SARNP: variants seen among roughly 807,000 people sequenced by gnomAD.
SARNP encodes SAP domain-containing ribonucleoprotein.
SARNP carries 5 observed loss-of-function variants against 38.1 expected under a neutral mutation model. The ratio of observed to expected loss-of-function variants is 0.13; its 90% confidence interval spans 0.07 to 0.28. SARNP has a LOEUF of 0.28. SARNP is among the 10% of genes least tolerant of loss of function. SARNP has a pLI of 1.00. For missense variants in SARNP, 180 were observed against 243.9 expected, an observed-to-expected ratio of 0.74 and a Z score of 1.75; for synonymous variants, 84 against 80.6, an observed-to-expected ratio of 1.04 and a Z score of -0.23.
At chr12:55,811,572 AAAAC>A (rs147810706) in intron 1 of SARNP, among the ~76,000 whole-genome samples, 21,866 of 150,476 alleles carry the variant, frequency 0.15, 3,038 homozygotes, top group African/African-American at 0.37. Context: ...ACTGTCTCAA[AAAAC>A]AAACAAACAA....
intron 9 of SARNP, among the ~76,000 whole-genome samples, chr12:55,785,217 ACAAT>A (rs1008558636): frequency 6.6e-6 from 1 of 152,222 alleles, no homozygotes; most frequent in Non-Finnish European, 1.5e-5. Flanking sequence ...ATACGTATTG[ACAAT>A]CAATGTTATT....
chr12:55,813,274 G>A (rs537669619), intron 1 of SARNP, among the ~76,000 whole-genome samples: 1 of 152,230 alleles, frequency 6.6e-6, no homozygotes, highest in South Asian at 2.1e-4. Context: ...AACACACAGG[G>A]TCTTATGAAA....
chr12:55,788,336 T>A (rs1879566058), intron 9 of SARNP, among the ~76,000 whole-genome samples: 1 of 152,226 alleles, frequency 6.6e-6, no homozygotes, highest in South Asian at 2.1e-4. Flanking sequence ...TTAACTTTTT[T>A]TTTTTGTTCC....
chr12:55,806,140 T>C (rs1880134029), intron 1 of SARNP, among the ~76,000 whole-genome samples: 3 of 152,170 alleles, frequency 2.0e-5, no homozygotes, highest in African/African-American at 4.8e-5. Context: ...CTACTTAGGT[T>C]TGAATTCCAG....
At position 55,765,711 on chromosome 12, in the gene SARNP, C is replaced by T. The variant is rs1878808500; in HGVS notation, c.502-5071G>A. On this transcript the variant is annotated intron_variant, in intron 9 of 10. Coordinates refer to ENST00000336133, the MANE Select transcript of SARNP (RefSeq NM_033082.4). ...ATACAGGCAGAGCATCTGTTCTAAA[C>T]CCATTAGGGGTTCCAGGGGAAAACA... 2.6e-5 allele frequency among the ~76,000 whole-genome samples: 4 copies of T among 152,050 alleles called. No homozygotes were observed. In the South Asian group the frequency reaches 8.3e-4, roughly 32 times the overall value.
chr12:55,756,637 T>C (rs927283791), downstream of SARNP: 2 of 152,076 alleles, frequency 1.3e-5, no homozygotes, highest in Admixed American at 1.3e-4. Flanking sequence ...CAATAACATA[T>C]CCAAAAAGAT....
At chr12:55,816,372 C>A (rs1439383897) in intron 1 of SARNP, among the ~76,000 whole-genome samples, 1 of 151,994 alleles carries the variant, frequency 6.6e-6, no homozygotes, top group Admixed American at 6.6e-5. Flanking sequence ...TTTTTTAACT[C>A]ATCACAATAA....
chr12:55,805,144 C>G (rs1367933652), intron 1 of SARNP, among the ~76,000 whole-genome samples: 1 of 152,146 alleles, frequency 6.6e-6, no homozygotes, highest in Non-Finnish European at 1.5e-5. Context: ...CGCCTGTAGT[C>G]CCAGCTACTC....
At chr12:55,814,125 C>T (rs1407191649) in intron 1 of SARNP, among the ~76,000 whole-genome samples, 3 of 152,174 alleles carry the variant, frequency 2.0e-5, no homozygotes, top group South Asian at 2.1e-4. Flanking sequence ...GCTGGAGAGA[C>T]GGGCAGGGAT....
chr12:55,790,715 T>C (rs1249972866), intron 7 of SARNP, 123 bp from the exon 8 acceptor site: 10 of 968,072 alleles, frequency 1.0e-5, no homozygotes, highest in African/African-American at 1.7e-5. Context: ...AAGGCAGAAA[T>C]TGCATGTAGC....
intron 1 of SARNP, among the ~76,000 whole-genome samples, chr12:55,808,752 C>A (rs971773448): frequency 6.6e-6 from 1 of 151,934 alleles, no homozygotes; most frequent in African/African-American, 2.4e-5. Flanking sequence ...CACAGCAATA[C>A]CTGGCCTCAA....
intron 3 of SARNP, 65 bp from the exon 4 acceptor site, chr12:55,800,694 A>G: frequency 7.2e-7 from 1 of 1,393,228 alleles, no homozygotes; most frequent in Non-Finnish European, 1.0e-6. Context: ...CAAAAGAAGA[A>G]CATCAGAACT....
rs144310518 is a variant in SARNP at position 55,760,526 on chromosome 12, T to C, written c.591+25A>G. On this transcript the variant is annotated intron_variant, in intron 10 of 10. Transcript: ENST00000336133. The stretch of plus-strand genomic sequence containing the variant: ...CACTCTAATTTCCCTTCAAGGTCTA[T>C]GAAGCGTTCCAGGTATATTTTTACC... The C allele has an allele frequency of 6.8e-4, 908 of 1,333,410 alleles. 4 individuals carry two copies. In the African/African-American group the frequency reaches 0.011, roughly 16 times the overall value. The allele number at this position is 1,333,410 out of a possible 1,614,324, so 82.6% of individuals were successfully genotyped here. A position where few individuals can be genotyped will look rare whatever the true frequency, so the allele number is the denominator to read the frequency against.
At position 55,757,567 on chromosome 12, in the gene SARNP, G is replaced by A; in HGVS notation, c.592-14C>T. ...CCTCTTCTTTGCCTGTAAAGAAGAA[G>A]CAAGAAGAAAAAAATTAGACTGAAG... On this transcript the variant is annotated splice_polypyrimidine_tract_variant and intron_variant, in intron 10 of 10. Transcript: ENST00000336133. The A allele has an allele frequency of 6.2e-7, 1 of 1,602,056 alleles. No homozygotes were observed. The highest frequency in any genetic ancestry group is 8.5e-7 in the Non-Finnish European group (1 of 1,175,316).
chr12:55,811,490 A>G (rs1880326139), intron 1 of SARNP, among the ~76,000 whole-genome samples: 1 of 151,798 alleles, frequency 6.6e-6, no homozygotes, highest in Admixed American at 6.6e-5. Flanking sequence ...GGATCACTTG[A>G]GTCCAGAAGA....
intron 9 of SARNP, among the ~76,000 whole-genome samples, chr12:55,765,898 T>C (rs1002776340): frequency 1.3e-5 from 2 of 152,084 alleles, no homozygotes; most frequent in African/African-American, 4.8e-5. Flanking sequence ...ATGATCTCTC[T>C]CACTTGACCC....
intron 9 of SARNP, among the ~76,000 whole-genome samples, chr12:55,787,731 T>A (rs1243177849): frequency 6.6e-6 from 1 of 150,768 alleles, no homozygotes; most frequent in African/African-American, 2.4e-5. Context: ...GGTGCTCGAC[T>A]GATTTTTTTC....
chr12:55,811,081 C>CAAA (rs11324252), intron 1 of SARNP, among the ~76,000 whole-genome samples: 1 of 142,694 alleles, frequency 7.0e-6, no homozygotes. Context: ...GACTCCATCC[C>CAAA]AAAAAAAAAA....
chr12:55,755,092 T>C (rs114246202), downstream of SARNP: 1 of 152,126 alleles, frequency 6.6e-6, no homozygotes, highest in African/African-American at 2.4e-5. Flanking sequence ...AGGTTAAATT[T>C]TGGGGGGATT....
Sources: allele counts gnomAD v4.1 joint callset (sites outside exome capture counted in the v4.1 genomes callset), GRCh38; gene constraint gnomAD v4.1.1; transcripts MANE v1.5; gene names NCBI Gene and HGNC (gene_info 2026-07-23, HGNC 2026-07-21).